The following NPC1 variants were observed in gnomAD, a reference collection of about 807,000 sequenced individuals.
NPC1 encodes the protein Niemann-Pick C1 protein.
A neutral mutation model predicts 140.4 loss-of-function variants in NPC1; 85 were observed. The observed-to-expected ratio is 0.61, with a 90% CI of 0.51 to 0.72. NPC1 has a LOEUF of 0.72. Ranked by LOEUF, NPC1 falls within the 30% of genes least tolerant of loss-of-function variation. The pLI, the probability that NPC1 is intolerant of heterozygous loss-of-function variation, is 0.00. For missense variants in NPC1, 1,504 were observed against 1,623.8 expected (o/e 0.93, Z 1.27); for synonymous variants, 656 against 624.8 (o/e 1.05, Z -0.74).
intron 1 of NPC1, among the ~76,000 whole-genome samples, chr18:23,577,933 C>T (rs1336933245): frequency 1.3e-5 from 2 of 152,224 alleles, no homozygotes; most frequent in African/African-American, 4.8e-5. Context: ...GAGTGTGGGG[C>T]CCACCAAGCC....
downstream of NPC1, chr18:23,530,593 G>C (rs1037619043): frequency 1.2e-6 from 2 of 1,613,710 alleles, no homozygotes; most frequent in Admixed American, 1.7e-5. Flanking sequence ...GTTTGCGAGG[G>C]AGCCCCAATT....
At position 23,586,364 on chromosome 18, in the gene NPC1, C is replaced by T. The variant is rs2059419162; in HGVS notation, c.-21G>A. ...GTCATGCTGTGGCCGCGCAAGGCTG[C>T]TGACGCCGGCGGCGTTCGGCTGGTT... On this transcript the variant is annotated 5_prime_UTR_variant, in exon 1 of 25. Transcript: ENST00000269228. 1.3e-6 allele frequency: 2 copies of T among 1,531,898 alleles called. No homozygotes were observed. The highest frequency in any genetic ancestry group is 1.2e-5 in the South Asian group (1 of 83,652). The allele number at this position is 1,531,898 out of a possible 1,614,324, so 94.9% of individuals were successfully genotyped here. A position where few individuals can be genotyped will look rare whatever the true frequency, so the allele number is the denominator to read the frequency against.
chr18:23,586,384 C>G lies in NPC1; in HGVS notation c.-41G>C. ...GGCTGCTGACGCCGGCGGCGTTCGG[C>G]TGGTTGGGCTCCCCGGAGGCGGCTC... On this transcript the variant is annotated 5_prime_UTR_variant, in exon 1 of 25. Coordinates refer to ENST00000269228, the MANE Select transcript of NPC1 (RefSeq NM_000271.5). 1.3e-6 allele frequency: 2 copies of G among 1,530,658 alleles called. No homozygotes were observed. The highest frequency in any genetic ancestry group is 1.7e-6 in the Non-Finnish European group (2 of 1,144,984). 94.8% of individuals were successfully genotyped at this position (1,530,658 alleles called of 1,614,324 possible). A position where few individuals can be genotyped will look rare whatever the true frequency, so the allele number is the denominator to read the frequency against.
At chr18:23,523,341 T>G (rs2058194577) in intron 1 of NPC1, among the ~76,000 whole-genome samples, 1 of 151,772 alleles carries the variant, frequency 6.6e-6, no homozygotes, top group African/African-American at 2.4e-5. Context: ...CATGTGAGGT[T>G]TTGGGGGTCT....
Position 23,579,108 on chromosome 18 carries a change from T to C in NPC1, c.58-5534A>G, listed in dbSNP as rs148305941. On this transcript the variant is annotated intron_variant, in intron 1 of 24. Transcript: ENST00000269228. ...TTCCAAACCTATCACTCTAACTGCCTACCCTTCCTTCCTTCTCTCCCACAT... is the reference window on the plus strand; with the variant it reads ...TTCCAAACCTATCACTCTAACTGCCCACCCTTCCTTCCTTCTCTCCCACAT... Among the ~76,000 whole-genome samples the C allele has an allele frequency of 8.4e-3, 1,285 of 152,304 alleles. 14 individuals are homozygous for C. The highest frequency in any genetic ancestry group is 8.3e-3 in the Non-Finnish European group (563 of 68,012).
In NPC1 at chr18:23,551,705, T is replaced by C. The variant is rs775714630; in HGVS notation, c.1576A>G (p.Thr526Ala). The change falls in exon 10 of 25, where the codon ACA (threonine) becomes GCA (alanine). Residue 526 changes from threonine (T) to alanine (A), a missense_variant. Physicochemically the swap from Thr to Ala is moderately conservative, Grantham distance 58. Coordinates refer to ENST00000269228, the MANE Select transcript of NPC1 (RefSeq NM_000271.5). ...AGACAAGGGTCATGGAGCAAACTTGTATCATTCAGAGAGGCAGGAGCCCTG... is the reference window on the plus strand; with the variant it reads ...AGACAAGGGTCATGGAGCAAACTTGCATCATTCAGAGAGGCAGGAGCCCTG... Reference protein sequence around the residue: ...CVRAPASLNDTSLLHDPCLGT... With the variant: ...CVRAPASLNDASLLHDPCLGT... 9.9e-6 allele frequency: 16 copies of C among 1,614,138 alleles called. No individual in the cohort carries two copies. The highest frequency in any genetic ancestry group is 3.3e-4 in the Middle Eastern group (2 of 6,062).
At chr18:23,552,487 G>A (rs1002325069) in intron 9 of NPC1, among the ~76,000 whole-genome samples, 5 of 152,150 alleles carry the variant, frequency 3.3e-5, no homozygotes, top group Non-Finnish European at 5.9e-5. Flanking sequence ...AGAGATTTCC[G>A]GGAAAGAAAT....
At chr18:23,556,835 C>T (rs960542572) in intron 7 of NPC1, among the ~76,000 whole-genome samples, 4 of 152,246 alleles carry the variant, frequency 2.6e-5, no homozygotes, top group Non-Finnish European at 5.9e-5. Context: ...GATGCCGACA[C>T]AGGAGCCTCT....
intron 4 of NPC1, 43 bp from the exon 5 acceptor site, chr18:23,561,570 CT>C (rs2059039954): frequency 6.2e-7 from 1 of 1,600,174 alleles, no homozygotes. Context: ...AAGATGCTTG[CT>C]GTAATTCACG....
intron 3 of NPC1, chr18:23,507,866 T>C: frequency 2.5e-6 from 2 of 790,296 alleles, no homozygotes; most frequent in South Asian, 3.2e-5. Flanking sequence ...TGTCTTCAGT[T>C]ATTTTCTGGT....
chr18:23,569,960 C>CA (rs932526858), intron 3 of NPC1, among the ~76,000 whole-genome samples: 1 of 152,198 alleles, frequency 6.6e-6, no homozygotes, highest in African/African-American at 2.4e-5. Flanking sequence ...TGCATTCTTG[C>CA]AATCAAGATT....
rs183687621 is a variant in NPC1 at position 23,513,110 on chromosome 18, C to T, written c.432-6468G>A. Among the ~76,000 whole-genome samples the T allele has an allele frequency of 3.3e-5, 5 of 152,196 alleles. No individual in the cohort carries two copies. In the East Asian group the frequency reaches 7.7e-4, roughly 24 times the overall value. ...CTGGGATTACAGGTGTGCGCCACCA[C>T]GCCTGGCTAATTTTTGTATTTTTGG... is the stretch of plus-strand genomic sequence containing the variant. On this transcript the variant is annotated intron_variant, in intron 3 of 3. Coordinates refer to the NPC1 transcript ENST00000591107.
In NPC1 at chr18:23,550,479, C is replaced by CTTCTTTTTTTTTTTTTTTTTTTT. The variant is rs746388624; in HGVS notation, c.1654+1147_1654+1148insAAAAAAAAAAAAAAAAAAAAGAA. Among the ~76,000 whole-genome samples the CTTCTTTTTTTTTTTTTTTTTTTT allele has an allele frequency of 5.1e-4, 38 of 74,920 alleles. 1 individual carries two copies. Among genetic ancestry groups the CTTCTTTTTTTTTTTTTTTTTTTT allele is most frequent in the African/African-American group, 2.3e-3 (36 of 15,398 alleles). 49.2% of individuals were successfully genotyped at this position (74,920 alleles called of 152,430 possible). A position where few individuals can be genotyped will look rare whatever the true frequency, so the allele number is the denominator to read the frequency against. ...GAATTTTCTTCCAGTTCTTACATTTCTTTTTTTTTTTTTTTTTTTTGAGAT... is the reference window on the plus strand; with the variant it reads ...GAATTTTCTTCCAGTTCTTACATTTCTTCTTTTTTTTTTTTTTTTTTTTTTTTTTTTTTTTTTTTTTTTGAGAT... On this transcript the variant is annotated intron_variant, in intron 10 of 24. Coordinates refer to ENST00000269228, the MANE Select transcript of NPC1 (RefSeq NM_000271.5).
At position 23,554,927 on chromosome 18, in the gene NPC1, C is replaced by G; in HGVS notation, c.1384G>C (p.Val462Leu). Residue 462 changes from valine to leucine, a missense_variant, in exon 9 of 25, where the codon GTG (valine) becomes CTG (leucine). Val to Leu is a conservative substitution (Grantham distance 32, BLOSUM62 1). Coordinates refer to ENST00000269228, the MANE Select transcript of NPC1 (RefSeq NM_000271.5). ...GCCAAGCAGATGTCTTGAAGTGTCACAGTCTCATTGTCATAAGAGGCAGTA... is the reference window on the plus strand; with the variant it reads ...GCCAAGCAGATGTCTTGAAGTGTCAGAGTCTCATTGTCATAAGAGGCAGTA... ...NITASYDNET[V>L]TLQDICLAPL... 1 of 1,614,154 alleles carries G rather than the reference C, an allele frequency of 6.2e-7. No homozygotes were observed. The highest frequency in any genetic ancestry group is 2.2e-5 in the East Asian group (1 of 44,882).
chr18:23,572,129 G>T lies in NPC1; in HGVS notation c.232C>A (p.Arg78=). 6.2e-7 allele frequency: 1 copy of T among 1,613,752 alleles called. No individual in the cohort carries two copies. Among genetic ancestry groups the T allele is most frequent in the South Asian group, 1.1e-5 (1 of 91,060 alleles). The change falls in exon 3 of 25, where the codon CGG becomes AGG. Residue 78 remains arginine, a synonymous_variant. Transcript: ENST00000269228. ...TTGTCTTTTAGTGTCTGAAGCTGCC[G>T]AACATCACAACAGAGACTGACATTG... ...FGNVSLCCDV[R]QLQTLKDNLQ...
intron 24 of NPC1, among the ~76,000 whole-genome samples, chr18:23,532,695 CTTTT>C (rs61493442): frequency 1.5e-4 from 20 of 136,820 alleles, no homozygotes; most frequent in Non-Finnish European, 2.6e-4. Context: ...GTGCTCATCT[CTTTT>C]TTTTTTTTTT....
chr18:23,529,920 G>T, downstream of NPC1: 1 of 1,162,554 alleles, frequency 8.6e-7, no homozygotes. Flanking sequence ...TTCTTGTAAT[G>T]ACAGACTTTT....
At chr18:23,551,532 C>T in intron 10 of NPC1, 95 bp downstream of exon 10, 2 of 967,862 alleles carry the variant, frequency 2.1e-6, no homozygotes, top group Non-Finnish European at 1.7e-6. Flanking sequence ...ACAAAACTGC[C>T]CAATTTATGA....
intron 22 of NPC1, among the ~76,000 whole-genome samples, chr18:23,534,930 C>T (rs1050782930): frequency 1.3e-5 from 2 of 152,208 alleles, no homozygotes; most frequent in Non-Finnish European, 2.9e-5. Flanking sequence ...ATACACTGTT[C>T]TATTTTCCAT....
Sources: allele counts gnomAD v4.1 joint callset (sites outside exome capture counted in the v4.1 genomes callset), GRCh38; gene constraint gnomAD v4.1.1; transcripts MANE v1.5; gene names NCBI Gene and HGNC (gene_info 2026-07-23, HGNC 2026-07-21).